Variants in PPP3CA observed in about 807,000 individuals in gnomAD.
The protein encoded by PPP3CA is CAM-PRP catalytic subunit.
PPP3CA carries 14 observed loss-of-function variants against 66.5 expected under a neutral mutation model. The ratio of observed to expected loss-of-function variants is 0.21; its 90% CI spans 0.14 to 0.33. The LOEUF is 0.33. Ranked by LOEUF, PPP3CA falls within the 10% of genes least tolerant of loss-of-function variation. The pLI is 1.00. For missense variants in PPP3CA, 317 were observed against 639.5 expected (o/e 0.50, Z 5.44); for synonymous variants, 232 against 226.2 (o/e 1.03, Z -0.23).
At chr4:101,225,474 G>T (rs1280865786) in intron 1 of PPP3CA, among the ~76,000 whole-genome samples, 1 of 151,802 alleles carries the variant, frequency 6.6e-6, no homozygotes, top group African/African-American at 2.4e-5. Context: ...ACCAAGAGAT[G>T]ATTTAAAATT....
At chr4:101,253,155 G>A (rs1726732069) in intron 1 of PPP3CA, among the ~76,000 whole-genome samples, 1 of 152,140 alleles carries the variant, frequency 6.6e-6, no homozygotes, top group Non-Finnish European at 1.5e-5. Context: ...CATTAAAAGT[G>A]TTCTTGCTAT....
chr4:101,115,690 A>C (rs1721817627), intron 2 of PPP3CA, among the ~76,000 whole-genome samples: 1 of 151,886 alleles, frequency 6.6e-6, no homozygotes, highest in Admixed American at 6.6e-5. Context: ...CCTGAATAGA[A>C]GATACAAAAC....
At chr4:101,297,496 C>T (rs1161447407) in intron 1 of PPP3CA, among the ~76,000 whole-genome samples, 2 of 152,266 alleles carry the variant, frequency 1.3e-5, no homozygotes, top group South Asian at 2.1e-4. Context: ...GAAGTGGGCC[C>T]AAGGTCTCTT....
At chr4:101,138,843 T>C (rs1179784865) in intron 2 of PPP3CA, among the ~76,000 whole-genome samples, 3 of 151,918 alleles carry the variant, frequency 2.0e-5, no homozygotes, top group Non-Finnish European at 4.4e-5. Flanking sequence ...ATACTACATA[T>C]GCATAAGGTT....
intron 1 of PPP3CA, among the ~76,000 whole-genome samples, chr4:101,323,416 G>A (rs1049612279): frequency 6.6e-6 from 1 of 152,200 alleles, no homozygotes; most frequent in Admixed American, 6.5e-5. Flanking sequence ...AAGGTTAACT[G>A]TGTACGTGTG....
At chr4:101,200,069 CAT>C (rs1448535096) in intron 1 of PPP3CA, among the ~76,000 whole-genome samples, 3 of 152,200 alleles carry the variant, frequency 2.0e-5, no homozygotes, top group Middle Eastern at 3.4e-3. Flanking sequence ...AGACCACAAA[CAT>C]GTGTTCAGTA....
intron 2 of PPP3CA, among the ~76,000 whole-genome samples, chr4:101,142,934 G>A (rs1391458022): frequency 6.6e-6 from 1 of 152,128 alleles, no homozygotes; most frequent in African/African-American, 2.4e-5. Context: ...GACTGTGCAA[G>A]GCCTCTTTGG....
chr4:101,279,810 A>C (rs1470532137), intron 1 of PPP3CA, among the ~76,000 whole-genome samples: 2 of 152,236 alleles, frequency 1.3e-5, no homozygotes, highest in Non-Finnish European at 2.9e-5. Flanking sequence ...TTCCAAGAAG[A>C]AGCTAGAATG....
At chr4:101,316,851 T>C (rs1045752602) in intron 1 of PPP3CA, among the ~76,000 whole-genome samples, 1 of 152,206 alleles carries the variant, frequency 6.6e-6, no homozygotes, top group East Asian at 1.9e-4. Context: ...CTTTCACTTA[T>C]AAGTCAGTCT....
intron 1 of PPP3CA, chr4:101,250,254 G>A: frequency 2.3e-6 from 1 of 432,548 alleles, no homozygotes; most frequent in Non-Finnish European, 4.6e-6. Context: ...GTGGTGTTAT[G>A]AGAATGCCTA....
rs533175009 is a variant in PPP3CA at position 101,080,634 on chromosome 4, G to A, written c.861-8C>T. The A allele has an allele frequency of 2.8e-6, 4 of 1,445,396 alleles. No individual in the cohort carries two copies. Among genetic ancestry groups the A allele is most frequent in the African/African-American group, 2.8e-5 (2 of 71,480 alleles). The allele number at this position is 1,445,396 out of a possible 1,614,324, so 89.5% of individuals were successfully genotyped here. On this transcript the variant is annotated splice_polypyrimidine_tract_variant and splice_region_variant and intron_variant, in intron 7 of 13. Transcript: ENST00000394854. ...TTCCTGTACATGCGGTACCTAAAAA[G>A]AACAAATACAGTCAAAACAAAGCTT... is the stretch of plus-strand genomic sequence containing the variant.
At chr4:101,298,686 C>T (rs1471368595) in intron 1 of PPP3CA, among the ~76,000 whole-genome samples, 1 of 152,070 alleles carries the variant, frequency 6.6e-6, no homozygotes, top group Non-Finnish European at 1.5e-5. Context: ...ATATAACATA[C>T]ACAGTATATG....
chr4:101,163,788 T>C (rs948988920), intron 2 of PPP3CA, among the ~76,000 whole-genome samples: 7 of 151,950 alleles, frequency 4.6e-5, no homozygotes, highest in African/African-American at 1.7e-4. Context: ...AATTTTACAT[T>C]ATTTTTAAGT....
chr4:101,297,589 C>T (rs1728237609), intron 1 of PPP3CA, among the ~76,000 whole-genome samples: 1 of 152,116 alleles, frequency 6.6e-6, no homozygotes, highest in African/African-American at 2.4e-5. Context: ...ACTAGATGAC[C>T]ATCCTTGGGA....
At chr4:101,296,505 A>C (rs1253222210) in intron 1 of PPP3CA, among the ~76,000 whole-genome samples, 1 of 152,174 alleles carries the variant, frequency 6.6e-6, no homozygotes, top group Admixed American at 6.5e-5. Context: ...CCATATTTTG[A>C]TAAACCAGTT....
chr4:101,304,226 G>A (rs911084892), intron 1 of PPP3CA, among the ~76,000 whole-genome samples: 4 of 151,930 alleles, frequency 2.6e-5, no homozygotes, highest in Admixed American at 1.3e-4. Context: ...TATTTAAATT[G>A]TTTTTTGATT....
chr4:101,341,303 A>AC (rs1560727614), intron 1 of PPP3CA, among the ~76,000 whole-genome samples: 1 of 150,548 alleles, frequency 6.6e-6, no homozygotes. Flanking sequence ...GAGCCACCAC[A>AC]CCTGGCCAGT....
At chr4:101,131,772 C>A (rs187497454) in intron 2 of PPP3CA, among the ~76,000 whole-genome samples, 2 of 152,306 alleles carry the variant, frequency 1.3e-5, no homozygotes, top group East Asian at 3.9e-4. Flanking sequence ...ATCTACAGAA[C>A]TCTCCATCCC....
intron 2 of PPP3CA, among the ~76,000 whole-genome samples, chr4:101,168,840 A>G (rs1723777267): frequency 6.6e-6 from 1 of 152,202 alleles, no homozygotes; most frequent in African/African-American, 2.4e-5. Context: ...ACCTCTTATT[A>G]TATCAGAAAT....
Sources: gnomAD v4.1 joint callset for allele counts (sites outside exome capture counted in the v4.1 genomes callset) on GRCh38, gnomAD v4.1.1 for gene constraint, MANE v1.5 for transcripts, NCBI Gene and HGNC (gene_info 2026-07-23, HGNC 2026-07-21) for gene names.